PDE4C: variants seen among roughly 807,000 people sequenced by gnomAD.
The protein encoded by PDE4C is phosphodiesterase 4C, also known as 3',5'-cyclic-AMP phosphodiesterase 4C.
Under a neutral mutation model 63.9 loss-of-function variants are expected in PDE4C, and 50 were observed. The ratio of observed to expected loss-of-function variants is 0.78; its 90% confidence interval spans 0.62 to 0.99. PDE4C has a LOEUF of 0.99. Ranked by LOEUF, PDE4C falls within the 50% of genes least tolerant of loss-of-function variation. The pLI is 0.00. For synonymous variants in PDE4C, 377 were observed against 385.1 expected, an observed-to-expected ratio of 0.98 and a Z score of 0.25; for missense variants, 777 against 899.1, an observed-to-expected ratio of 0.86 and a Z score of 1.74.
intron 1 of PDE4C, among the ~76,000 whole-genome samples, chr19:18,243,399 C>T (rs1423606061): frequency 6.6e-6 from 1 of 152,128 alleles, no homozygotes; most frequent in African/African-American, 2.4e-5. Context: ...TGAGCCACCA[C>T]ATCCGGTGGT....
chr19:18,221,049 T>TCCGCCAGGGCCCCCCCCCCCCCCCC, intron 4 of PDE4C, 56 bp downstream of exon 4: 1 of 1,239,956 alleles, frequency 8.1e-7, no homozygotes, highest in Non-Finnish European at 1.1e-6. Flanking sequence ...CAGCCCGCTT[T>TCCGCCAGGGCCCCCCCCCCCCCCCC]CCGCCCACCT....
At chr19:18,236,849 C>G (rs780799522), upstream of PDE4C, 9 of 152,944 alleles carry the variant, frequency 5.9e-5, no homozygotes, top group African/African-American at 2.2e-4. Context: ...TCCCCATCAG[C>G]CTTCTCACCT....
At chr19:18,244,261 G>A (rs1273855021) in intron 1 of PDE4C, among the ~76,000 whole-genome samples, 2 of 151,296 alleles carry the variant, frequency 1.3e-5, no homozygotes, top group East Asian at 3.9e-4. Flanking sequence ...GAAGGCCTTC[G>A]TAGGAGACCC....
At position 18,216,601 on chromosome 19, in the gene PDE4C, A is replaced by G. The variant is rs569116843; in HGVS notation, c.1389+140T>C. On this transcript the variant is annotated intron_variant, in intron 12 of 14. Coordinates refer to ENST00000262805, the Ensembl canonical transcript of PDE4C. ...CACTGTTCCATTTCACAGATGAGGA[A>G]GCTCAGACAGAGTGAGGACATGCCT... 2.8e-5 allele frequency: 22 copies of G among 792,994 alleles called. No individual in the cohort carries two copies. The African/African-American group carries it at 3.1e-4, about 11-fold the overall frequency. 49.1% of individuals were successfully genotyped at this position (792,994 alleles called of 1,614,324 possible).
upstream of PDE4C, among the ~76,000 whole-genome samples, chr19:18,238,206 CAG>C (rs544014418): frequency 1.1e-3 from 171 of 150,010 alleles, no homozygotes; most frequent in African/African-American, 4.0e-3. Flanking sequence ...GCTTGGGTGA[CAG>C]AGTGAGACCC....
intron 1 of PDE4C, among the ~76,000 whole-genome samples, chr19:18,226,020 G>T (rs1968704112): frequency 6.6e-6 from 1 of 152,210 alleles, no homozygotes; most frequent in Non-Finnish European, 1.5e-5. Flanking sequence ...CTGGTCCCCT[G>T]GGCCTATATC....
At chr19:18,244,801 A>C (rs1969103128) in intron 1 of PDE4C, among the ~76,000 whole-genome samples, 1 of 149,132 alleles carries the variant, frequency 6.7e-6, no homozygotes, top group Non-Finnish European at 1.5e-5. Context: ...CATGAGCCAC[A>C]GTGACCAGCT....
At chr19:18,219,858 A>G (rs55973594) in intron 7 of PDE4C, among the ~76,000 whole-genome samples, 40,414 of 150,840 alleles carry the variant, frequency 0.27, 5,462 homozygotes, top group Middle Eastern at 0.35. Context: ...GCCTGTAGCT[A>G]CCTACCCCTC....
upstream of PDE4C, among the ~76,000 whole-genome samples, chr19:18,250,815 A>T (rs532437181): frequency 5.9e-4 from 86 of 145,914 alleles, no homozygotes; most frequent in African/African-American, 2.2e-3. Flanking sequence ...GCTCTGTCAC[A>T]CAGGCTGGAG....
rs768755672 is a variant in PDE4C, at chr19:18,211,114, C to T, written c.1858G>A (p.Gly620Arg). 1.8e-5 allele frequency: 29 copies of T among 1,614,024 alleles called. No homozygotes were observed. Among genetic ancestry groups the T allele is most frequent in the Admixed American group, 1.0e-4 (6 of 59,990 alleles). ...AGTTCAAACTGGAATCTGTCAGGCC[C>T]GTCCCGCTCGGGGTTGGTGAGGTCT... The change falls in exon 15 of 15, where the codon GGG (glycine) becomes AGG (arginine). Residue 620 changes from glycine (G) to arginine (R), a missense_variant. Gly to Arg is a moderately radical substitution (Grantham distance 125). Around this residue, in one of 3 missense-constraint regions of PDE4C, gnomAD observed 500 missense variants for 597.8 expected, o/e 0.84. Transcript: ENST00000262805.
chr19:18,222,442 C>T (rs1968525514), intron 1 of PDE4C, 119 bp from the exon 2 acceptor site: 2 of 871,532 alleles, frequency 2.3e-6, no homozygotes, highest in African/African-American at 1.7e-5. Context: ...AGTGTGGTTT[C>T]CAGCTTGTTC....
At chr19:18,246,582 C>T (rs954630745) in intron 1 of PDE4C, among the ~76,000 whole-genome samples, 7 of 152,050 alleles carry the variant, frequency 4.6e-5, no homozygotes. Context: ...CGAGGCTCAC[C>T]CTGAGCACCC....
chr19:18,246,660 G>A (rs1969140534), intron 1 of PDE4C, among the ~76,000 whole-genome samples: 1 of 152,022 alleles, frequency 6.6e-6, no homozygotes, highest in Admixed American at 6.6e-5. Context: ...AGGTATGGTG[G>A]TTCATGCCTG....
intron 1 of PDE4C, among the ~76,000 whole-genome samples, chr19:18,222,572 C>T (rs1321482955): frequency 1.3e-5 from 2 of 151,498 alleles, no homozygotes; most frequent in Admixed American, 6.6e-5. Context: ...TGGCCATGGA[C>T]AGGTACTGAC....
intron 1 of PDE4C, among the ~76,000 whole-genome samples, chr19:18,239,993 G>A (rs1969010944): frequency 6.6e-6 from 1 of 151,890 alleles, no homozygotes. Flanking sequence ...CAACAGATCT[G>A]GGCAACAGCA....
chr19:18,222,062 C>T, intron 2 of PDE4C, 70 bp downstream of exon 2: 1 of 1,357,320 alleles, frequency 7.4e-7, no homozygotes, highest in Non-Finnish European at 1.0e-6. Context: ...TTTGAAGGAG[C>T]TTGCTGAATA....
upstream of PDE4C, among the ~76,000 whole-genome samples, chr19:18,237,872 C>CAAAAAAAAAAAAA (rs57462449): frequency 1.1e-5 from 1 of 94,938 alleles, no homozygotes; most frequent in East Asian, 2.9e-4. Flanking sequence ...GACTCCATCT[C>CAAAAAAAAAAAAA]AAAAAAAAAA....
chr19:18,217,495 G>A (rs1413407987), intron 11 of PDE4C, among the ~76,000 whole-genome samples: 1 of 152,032 alleles, frequency 6.6e-6, no homozygotes, highest in Non-Finnish European at 1.5e-5. Context: ...TGAGTGAGGG[G>A]CCTCCACTCT....
At chr19:18,224,438 TTGGCAGCATTCGGTCCAAGTA>T in intron 1 of PDE4C, 1 of 985,522 alleles carries the variant, frequency 1.0e-6, no homozygotes, top group Non-Finnish European at 1.2e-6. Flanking sequence ...GGTGGGGGAT[TTGGCAGCATTCGGTCCAAGTA>T]TGACCGGGTC....
Sources: allele counts gnomAD v4.1 joint callset (sites outside exome capture counted in the v4.1 genomes callset), GRCh38; gene constraint gnomAD v4.1.1; regional missense constraint gnomAD v4.1.1; transcripts MANE v1.5; gene names NCBI Gene and HGNC (gene_info 2026-07-23, HGNC 2026-07-21).